The following EPM2A variants were observed in gnomAD, a reference collection of about 807,000 sequenced individuals.
The protein encoded by EPM2A is EPM2A glucan phosphatase, laforin.
In EPM2A, 21 loss-of-function variants were observed where a neutral mutation model predicts 26.5. That is an observed-to-expected ratio of 0.79 (90% CI 0.56 to 1.14). The LOEUF (loss-of-function observed/expected upper bound fraction) is 1.14, where lower values mean the gene tolerates loss of function less well. Ranked by LOEUF, EPM2A falls within the 50% of genes most tolerant of loss-of-function variation. The pLI is 0.00. For missense variants in EPM2A, 458 were observed against 440.8 expected (o/e 1.04, Z -0.35); for synonymous variants, 217 against 177.6 (o/e 1.22, Z -1.76).
At chr6:145,384,762 C>T (rs1214853253) in intron 4 of EPM2A, among the ~76,000 whole-genome samples, 1 of 147,492 alleles carries the variant, frequency 6.8e-6, no homozygotes, top group Non-Finnish European at 1.5e-5. Flanking sequence ...GGATATGCAT[C>T]CAAGTACAGA....
intron 4 of EPM2A, among the ~76,000 whole-genome samples, chr6:145,431,234 C>A (rs528004711): frequency 9.9e-5 from 15 of 152,260 alleles, no homozygotes; most frequent in African/African-American, 3.6e-4. Context: ...GAACAGAATA[C>A]ACTAGAGTCC....
At chr6:145,409,954 A>T (rs1217648804) in intron 4 of EPM2A, among the ~76,000 whole-genome samples, 1 of 152,208 alleles carries the variant, frequency 6.6e-6, no homozygotes, top group Non-Finnish European at 1.5e-5. Flanking sequence ...GACCAAGGTG[A>T]CAGTTACTAT....
At chr6:145,502,948 T>A (rs927813747) in intron 2 of EPM2A, among the ~76,000 whole-genome samples, 5 of 152,196 alleles carry the variant, frequency 3.3e-5, no homozygotes, top group African/African-American at 1.2e-4. Context: ...ACATAATTAG[T>A]TTGCAGAGCA....
chr6:145,713,405 A>G (rs1775446588), intron 1 of EPM2A, among the ~76,000 whole-genome samples: 1 of 152,240 alleles, frequency 6.6e-6, no homozygotes, highest in African/African-American at 2.4e-5. Context: ...ACATTTCTCC[A>G]AAGAAGATAC....
At chr6:145,567,253 C>A (rs895023935) in intron 2 of EPM2A, among the ~76,000 whole-genome samples, 1 of 152,142 alleles carries the variant, frequency 6.6e-6, no homozygotes, top group Non-Finnish European at 1.5e-5. Flanking sequence ...TTGGAAAGTT[C>A]TTCCTTAAGA....
chr6:145,532,301 C>A (rs1030268025), intron 2 of EPM2A, among the ~76,000 whole-genome samples: 2 of 152,122 alleles, frequency 1.3e-5, no homozygotes, highest in Admixed American at 1.3e-4. Flanking sequence ...AAACACAAAT[C>A]TTCTTGAAAG....
chr6:145,493,072 C>T (rs943697586), intron 4 of EPM2A, among the ~76,000 whole-genome samples: 1 of 152,192 alleles, frequency 6.6e-6, no homozygotes, highest in South Asian at 2.1e-4. Flanking sequence ...GCATAATGTA[C>T]CCCATACCCT....
chr6:145,519,205 T>C (rs536218881), intron 2 of EPM2A, among the ~76,000 whole-genome samples: 20 of 152,320 alleles, frequency 1.3e-4, no homozygotes, highest in African/African-American at 4.8e-4. Flanking sequence ...ATCTTGATAG[T>C]TGATTAGGAA....
At chr6:145,654,541 C>G (rs1396448663) in intron 2 of EPM2A, among the ~76,000 whole-genome samples, 1 of 152,126 alleles carries the variant, frequency 6.6e-6, no homozygotes, top group Non-Finnish European at 1.5e-5. Context: ...TTTGATCTGC[C>G]ATACTCAAAG....
chr6:145,607,750 C>G (rs1259214946), intron 2 of EPM2A, among the ~76,000 whole-genome samples: 1 of 145,090 alleles, frequency 6.9e-6, no homozygotes, highest in Non-Finnish European at 1.5e-5. Flanking sequence ...CTGCTCTGAT[C>G]AACAGTGGGG....
chr6:145,635,546 G>A, intron 2 of EPM2A, 60 bp from the exon 3 acceptor site: 2 of 1,545,848 alleles, frequency 1.3e-6, no homozygotes, highest in Non-Finnish European at 1.8e-6. Flanking sequence ...GGTTTAAGGA[G>A]CTGCATAAAA....
At chr6:145,713,377 G>T (rs1186557123) in intron 1 of EPM2A, among the ~76,000 whole-genome samples, 1 of 152,138 alleles carries the variant, frequency 6.6e-6, no homozygotes, top group Non-Finnish European at 1.5e-5. Flanking sequence ...ACTGAAAATG[G>T]GCAGAGGATT....
chr6:145,548,013 A>AAT (rs1420025467), intron 2 of EPM2A, among the ~76,000 whole-genome samples: 1 of 152,044 alleles, frequency 6.6e-6, no homozygotes, highest in Non-Finnish European at 1.5e-5. Flanking sequence ...ATGAGACCCA[A>AAT]ATACTCAATT....
chr6:145,623,332 T>C (rs1195993639), downstream of EPM2A, among the ~76,000 whole-genome samples: 2 of 152,128 alleles, frequency 1.3e-5, no homozygotes, highest in Non-Finnish European at 2.9e-5. Flanking sequence ...TGAGATTGGA[T>C]CAGGCCATCT....
At position 145,625,642 on chromosome 6, in the gene EPM2A, G is replaced by A. The variant is rs930238535; in HGVS notation, c.*1774C>T. The A allele has an allele frequency of 2.8e-6, 2 of 724,346 alleles. No individual in the cohort carries two copies. Among genetic ancestry groups the A allele is most frequent in the African/African-American group, 1.7e-5 (1 of 57,516 alleles). The allele number at this position is 724,346 out of a possible 1,614,324, so 44.9% of individuals were successfully genotyped here. Reference sequence around the variant, plus strand: ...ATTACCTCTAGTTATTTTTAGCAAGGGAGCTGGACTTCACTTTACTTAATG... The same window carrying A: ...ATTACCTCTAGTTATTTTTAGCAAGAGAGCTGGACTTCACTTTACTTAATG... On this transcript the variant is annotated 3_prime_UTR_variant, in exon 4 of 4. Coordinates refer to ENST00000367519, the MANE Select transcript of EPM2A (RefSeq NM_005670.4).
At chr6:145,687,482 T>C (rs532960355) in intron 1 of EPM2A, among the ~76,000 whole-genome samples, 1 of 152,296 alleles carries the variant, frequency 6.6e-6, no homozygotes, top group East Asian at 1.9e-4. Context: ...TTATAATTCA[T>C]ACATTATTTT....
chr6:145,627,337 C>G lies in EPM2A; in HGVS notation c.*79G>C. ...ACAGTCCTTTCAGTTCAGGTAGAAT[C>G]CTTGTTTCTAGGTCATTTGACCAAC... On this transcript the variant is annotated 3_prime_UTR_variant, in exon 4 of 4. Transcript: ENST00000367519. The G allele has an allele frequency of 6.2e-7, 1 of 1,605,792 alleles. No homozygotes were observed. The highest frequency in any genetic ancestry group is 8.5e-7 in the Non-Finnish European group (1 of 1,179,832).
chr6:145,524,603 T>C (rs1562369324), intron 2 of EPM2A, among the ~76,000 whole-genome samples: 1 of 152,160 alleles, frequency 6.6e-6, no homozygotes, highest in Admixed American at 6.5e-5. Flanking sequence ...TCACATCCTT[T>C]GCCCATTTTT....
chr6:145,496,734 T>TTTGTTTTTTTTTTG (rs745400581), downstream of EPM2A, among the ~76,000 whole-genome samples: 13 of 122,734 alleles, frequency 1.1e-4, 2 homozygotes, highest in Non-Finnish European at 2.2e-4. Flanking sequence ...TGCAATTTTT[T>TTTGTTTTTTTTTTG]TTTTTTTTTT....
Sources: gnomAD v4.1 joint callset for allele counts (sites outside exome capture counted in the v4.1 genomes callset) on GRCh38, gnomAD v4.1.1 for gene constraint, MANE v1.5 for transcripts, NCBI Gene and HGNC (gene_info 2026-07-23, HGNC 2026-07-21) for gene names.